PUDP: variants seen among roughly 807,000 people sequenced by gnomAD.
PUDP encodes the protein pseudouridine 5'-phosphatase.
PUDP carries 8 observed loss-of-function variants against 9.4 expected under a neutral mutation model. The observed-to-expected ratio is 0.85, with a 90% confidence interval of 0.50 to 1.53. PUDP has a LOEUF of 1.53. PUDP is among the 40% of genes most tolerant of loss of function. The probability of loss-of-function intolerance (pLI) is 0.00; values close to 1 mark genes in which losing one functional copy is unlikely to be tolerated. For synonymous variants in PUDP, 99 were observed against 80.7 expected (o/e 1.23, Z -1.22); for missense variants, 188 against 189.7 (o/e 0.99, Z 0.05).
chrX:7,034,970 G>T (rs1464321447), intron 1 of PUDP, among the ~76,000 whole-genome samples: 1 of 111,579 alleles, frequency 9.0e-6, no homozygotes, highest in Non-Finnish European at 1.9e-5. Context: ...AAATTATTAG[G>T]TATCAAAACA....
chrX:6,900,563 A>AAGAGAGAGGGAGACAGAGAG (rs752801559), intron 3 of PUDP, among the ~76,000 whole-genome samples: 1 of 105,280 alleles, frequency 9.5e-6, no homozygotes, highest in Non-Finnish European at 2.0e-5. Flanking sequence ...GAGGGAGAGA[A>AAGAGAGAGGGAGACAGAGAG]GGAGAGAGGG....
chrX:6,954,110 C>T (rs1293508302), intron 3 of PUDP, among the ~76,000 whole-genome samples: 1 of 110,407 alleles, frequency 9.1e-6, no homozygotes, highest in East Asian at 2.8e-4. Flanking sequence ...TGAGGCATCC[C>T]CAGCCCTGTG....
intron 1 of PUDP, among the ~76,000 whole-genome samples, chrX:7,000,058 C>T (rs1216657082): frequency 9.4e-6 from 1 of 106,515 alleles, no homozygotes; most frequent in Non-Finnish European, 1.9e-5. Flanking sequence ...GTAGAAAGAA[C>T]AAAGTACTAA....
At chrX:6,816,802 C>T (rs1015288332) in intron 3 of PUDP, among the ~76,000 whole-genome samples, 3 of 91,822 alleles carry the variant, frequency 3.3e-5, no homozygotes, top group Non-Finnish European at 6.2e-5. Flanking sequence ...ATAGTATATA[C>T]AATATATATA....
At chrX:6,743,263 CAGCCAGT>C (rs1225645428) in intron 3 of PUDP, among the ~76,000 whole-genome samples, 1 of 112,298 alleles carries the variant, frequency 8.9e-6, no homozygotes, top group Non-Finnish European at 1.9e-5. Flanking sequence ...GCAGCCCCAC[CAGCCAGT>C]CAACAAGTTT....
At chrX:7,114,288 G>A (rs1031725971) in intron 1 of PUDP, among the ~76,000 whole-genome samples, 3 of 110,406 alleles carry the variant, frequency 2.7e-5, no homozygotes, top group African/African-American at 6.6e-5. Context: ...TCACTATGTT[G>A]GCCAGGCTGG....
intron 3 of PUDP, among the ~76,000 whole-genome samples, chrX:6,783,558 A>G (rs570659185): frequency 1.3e-4 from 14 of 111,880 alleles, no homozygotes; most frequent in African/African-American, 4.5e-4. Context: ...GAAGGAGTAC[A>G]CACTAATCAC....
intron 3 of PUDP, among the ~76,000 whole-genome samples, chrX:6,859,681 A>C (rs1004478620): frequency 2.7e-5 from 3 of 111,059 alleles, no homozygotes; most frequent in African/African-American, 9.9e-5. Context: ...TTTCAGACTG[A>C]CCACAGCAGG....
chrX:6,731,254 G>A (rs1322777448), intron 3 of PUDP, among the ~76,000 whole-genome samples: 1 of 111,019 alleles, frequency 9.0e-6, no homozygotes, highest in Non-Finnish European at 1.9e-5. Flanking sequence ...TTAACTTTTT[G>A]TAGAGACAAG....
At chrX:6,854,966 T>C (rs1415582882) in intron 3 of PUDP, among the ~76,000 whole-genome samples, 1 of 111,972 alleles carries the variant, frequency 8.9e-6, no homozygotes, top group Non-Finnish European at 1.9e-5. Flanking sequence ...AAAAGTAAAA[T>C]TGACACCTTG....
chrX:7,060,986 T>C (rs1930385452), intron 3 of PUDP, among the ~76,000 whole-genome samples: 3 of 111,643 alleles, frequency 2.7e-5, no homozygotes, highest in African/African-American at 9.8e-5. Context: ...TTCCTTTAGA[T>C]AGAGAGGGGC....
At chrX:6,898,201 G>A in intron 3 of PUDP, among the ~76,000 whole-genome samples, 1 of 112,412 alleles carries the variant, frequency 8.9e-6, no homozygotes. Context: ...GGTCTTCCTG[G>A]TTGCTCCATG....
chrX:7,016,729 A>C (rs1282726279), intron 1 of PUDP, among the ~76,000 whole-genome samples: 2 of 110,615 alleles, frequency 1.8e-5, no homozygotes, highest in Non-Finnish European at 3.8e-5. Context: ...ACTGGAAGGA[A>C]GTATCTTTTT....
At chrX:6,872,348 T>C (rs1369422403) in intron 3 of PUDP, among the ~76,000 whole-genome samples, 1 of 111,178 alleles carries the variant, frequency 9.0e-6, no homozygotes, top group Non-Finnish European at 1.9e-5. Flanking sequence ...ACACCAGTGT[T>C]ATTCGATTAG....
intron 1 of PUDP, among the ~76,000 whole-genome samples, chrX:6,718,307 G>A (rs767828488): frequency 6.3e-5 from 7 of 111,857 alleles, no homozygotes; most frequent in South Asian, 3.7e-4. Context: ...TGTTCATTGC[G>A]CACTATTCAC....
At chrX:7,070,445 C>T (rs868118446) in intron 3 of PUDP, among the ~76,000 whole-genome samples, 5 of 111,186 alleles carry the variant, frequency 4.5e-5, no homozygotes, top group Non-Finnish European at 9.4e-5. Context: ...TGGCAGGTGA[C>T]GGTCCTCACC....
intron 3 of PUDP, among the ~76,000 whole-genome samples, chrX:6,832,275 C>A (rs1234797347): frequency 9.0e-6 from 1 of 111,606 alleles, no homozygotes; most frequent in Non-Finnish European, 1.9e-5. Context: ...AAAGAGGTCA[C>A]CCAGAAGCAG....
At chrX:6,950,413 T>C (rs1304262047) in intron 3 of PUDP, among the ~76,000 whole-genome samples, 5 of 93,365 alleles carry the variant, frequency 5.4e-5, no homozygotes, top group Non-Finnish European at 6.5e-5. Context: ...TTTCTTTTTT[T>C]TTTTTTTTTT....
chrX:6,985,689 T>G (rs1029945925), intron 1 of PUDP, among the ~76,000 whole-genome samples: 1 of 111,251 alleles, frequency 9.0e-6, no homozygotes, highest in Non-Finnish European at 1.9e-5. Flanking sequence ...AAGCCTGTGT[T>G]AGTGAGACCT....
Sources: gnomAD v4.1 joint callset for allele counts (sites outside exome capture counted in the v4.1 genomes callset) on GRCh38, gnomAD v4.1.1 for gene constraint, MANE v1.5 for transcripts, NCBI Gene and HGNC (gene_info 2026-07-23, HGNC 2026-07-21) for gene names.